The following RAB34 variants were observed in gnomAD, a reference collection of about 807,000 sequenced individuals.
RAB34 encodes the protein RAB34, member RAS oncogene family.
A neutral mutation model predicts 39.0 loss-of-function variants in RAB34; 33 were observed. That is an observed-to-expected ratio of 0.85 (90% CI 0.64 to 1.13). RAB34 has a LOEUF of 1.13. Among genes scored for constraint, RAB34 ranks in the 50% most tolerant of loss-of-function variants. The probability of loss-of-function intolerance (pLI) is 0.00; values close to 1 mark genes in which losing one functional copy is unlikely to be tolerated. For missense variants in RAB34, 289 were observed against 326.1 expected (o/e 0.89, Z 0.88); for synonymous variants, 135 against 125.1 (o/e 1.08, Z -0.53).
In RAB34 at chr17:28,715,440, C is replaced by T; in HGVS notation, c.431+16G>A. 1 of 1,613,704 alleles carries T rather than the reference C, an allele frequency of 6.2e-7. No homozygotes were observed. Among genetic ancestry groups the T allele is most frequent in the Non-Finnish European group, 8.5e-7 (1 of 1,179,852 alleles). On this transcript the variant is annotated intron_variant, in intron 6 of 9. Transcript: ENST00000395245. Reference sequence around the variant, plus strand: ...CTTCCCGGAGCCTCCCATTATATTGCAGGATGCTCACTTACTTGGTATGTT... The same window carrying T: ...CTTCCCGGAGCCTCCCATTATATTGTAGGATGCTCACTTACTTGGTATGTT...
upstream of RAB34, chr17:28,718,299 G>T: frequency 6.6e-7 from 1 of 1,521,244 alleles, no homozygotes; most frequent in Non-Finnish European, 8.8e-7. Context: ...TTCTGCCCTG[G>T]GAGGTCGGGG....
chr17:28,716,839 C>T, intron 2 of RAB34, 64 bp downstream of exon 2: 4 of 1,551,242 alleles, frequency 2.6e-6, no homozygotes, highest in Non-Finnish European at 3.5e-6. Context: ...TGGTTGTTTA[C>T]CCTCGCTATG....
Position 28,715,902 on chromosome 17 carries a change from C to G in RAB34, c.213-1G>C, listed in dbSNP as rs2033336457. The stretch of plus-strand genomic sequence containing the variant: ...CTTATCAAAGGTGTCTTTGCAGAAC[C>G]TGAGAGGGTACCAGATGCTGTGATC... On this transcript the variant is annotated splice_acceptor_variant, in intron 3 of 9. Coordinates refer to ENST00000395245, the MANE Select transcript of RAB34 (RefSeq NM_031934.6). LOFTEE classifies it high-confidence loss of function. 6.2e-7 allele frequency: 1 copy of G among 1,613,780 alleles called. No homozygotes were observed. Among genetic ancestry groups the G allele is most frequent in the Non-Finnish European group, 8.5e-7 (1 of 1,179,750 alleles).
upstream of RAB34, chr17:28,718,116 C>G (rs1334710134): frequency 8.7e-6 from 14 of 1,609,102 alleles, no homozygotes; most frequent in Non-Finnish European, 1.2e-5. Context: ...TCATGGGGAC[C>G]CTTACCCAGC....
At position 28,715,248 on chromosome 17, in the gene RAB34, TCTC is replaced by T. The variant is rs1187179727; in HGVS notation, c.457_459del (p.Glu153del). 21 of 1,613,600 alleles carry T rather than the reference TCTC, an allele frequency of 1.3e-5. No homozygotes were observed. Among genetic ancestry groups the T allele is most frequent in the Non-Finnish European group, 1.8e-5 (21 of 1,179,984 alleles). On this transcript the variant is annotated inframe_deletion, in exon 7 of 10. Coordinates refer to ENST00000395245, the MANE Select transcript of RAB34 (RefSeq NM_031934.6). ...AAGAGAAGCACACTGGAAGGGTCATTCTCCTTCAGGGCATCGGCCAGCCACTGC... is the reference window on the plus strand; with the variant it reads ...AAGAGAAGCACACTGGAAGGGTCATTCTTCAGGGCATCGGCCAGCCACTGC...
Position 28,717,173 on chromosome 17 carries a change from C to T in RAB34, c.54+40G>A, listed in dbSNP as rs80100419. 5.2e-4 allele frequency: 813 copies of T among 1,571,402 alleles called. 7 individuals are homozygous for T. In the African/African-American group the frequency reaches 8.1e-3, roughly 16 times the overall value. ...TGCCGCCTCCTCCTCGCCCACACCC[C>T]GGGCTGTAGACTGAAGCCCGACGTG... On this transcript the variant is annotated intron_variant, in intron 1 of 9. Transcript: ENST00000395245.
chr17:28,715,235 C>A lies in RAB34; in HGVS notation c.473G>T (p.Ser158Ile). The A allele has an allele frequency of 1.2e-6, 2 of 1,613,970 alleles. No individual in the cohort carries two copies. The highest frequency in any genetic ancestry group is 1.7e-6 in the Non-Finnish European group (2 of 1,180,018). The change falls in exon 7 of 10, where the codon AGT becomes ATT. Residue 158 changes from serine (S) to isoleucine (I), a missense_variant. Physicochemically the swap from Ser to Ile is moderately radical, Grantham distance 142. Coordinates refer to ENST00000395245, the MANE Select transcript of RAB34 (RefSeq NM_031934.6). The stretch of plus-strand genomic sequence containing the variant: ...GGAACCTACAAGGAAGAGAAGCACA[C>A]TGGAAGGGTCATTCTCCTTCAGGGC... Reference protein sequence around the residue: ...ADALKENDPSSVLLFLVGSKK... With the variant: ...ADALKENDPSIVLLFLVGSKK...
chr17:28,716,129 G>A (rs1010641180), intron 2 of RAB34, 71 bp from the exon 3 acceptor site: 41 of 1,604,766 alleles, frequency 2.6e-5, no homozygotes, highest in African/African-American at 4.0e-5. Flanking sequence ...CAATGCTCCC[G>A]ACTAGGTCCA....
In RAB34 at chr17:28,715,908, G is replaced by A. The variant is rs2033337322; in HGVS notation, c.213-7C>T. The A allele has an allele frequency of 6.2e-7, 1 of 1,613,204 alleles. No individual in the cohort carries two copies. The highest frequency in any genetic ancestry group is 1.7e-5 in the Admixed American group (1 of 60,010). ...AAAGGTGTCTTTGCAGAACCTGAGA[G>A]GGTACCAGATGCTGTGATCTGGAGC... On this transcript the variant is annotated splice_region_variant and splice_polypyrimidine_tract_variant and intron_variant, in intron 3 of 9. Coordinates refer to ENST00000395245, the MANE Select transcript of RAB34 (RefSeq NM_031934.6).
Position 28,717,684 on chromosome 17 carries a change from C to A in RAB34, c.-418G>T. 7.3e-7 allele frequency: 1 copy of A among 1,362,156 alleles called. No individual in the cohort carries two copies. Among genetic ancestry groups the A allele is most frequent in the Non-Finnish European group, 9.4e-7 (1 of 1,062,908 alleles). The allele number at this position is 1,362,156 out of a possible 1,614,324, so 84.4% of individuals were successfully genotyped here. A position where few individuals can be genotyped will look rare whatever the true frequency, so the allele number is the denominator to read the frequency against. On this transcript the variant is annotated 5_prime_UTR_variant, in exon 1 of 10. Transcript: ENST00000395245. ...CGGGGCCGCGGAGACCCGACGTCAT[C>A]TCGGGGCTGAGGCTGCCCTACCATT...
At chr17:28,718,030 C>A, upstream of RAB34, 1 of 1,371,316 alleles carries the variant, frequency 7.3e-7, no homozygotes, top group East Asian at 2.9e-5. Flanking sequence ...AGGACCGCCC[C>A]GACCCAGGCT....
At position 28,716,038 on chromosome 17, in the gene RAB34, A is replaced by G. The variant is rs756581417; in HGVS notation, c.167T>C (p.Ile56Thr). 8 of 1,613,780 alleles carry G rather than the reference A, an allele frequency of 5.0e-6. No individual in the cohort carries two copies. Among genetic ancestry groups the G allele is most frequent in the Admixed American group, 3.3e-5 (2 of 59,980 alleles). The change falls in exon 3 of 10, where the codon ATT becomes ACT. Residue 56 changes from isoleucine to threonine, a missense_variant. Coordinates refer to ENST00000395245, the MANE Select transcript of RAB34 (RefSeq NM_031934.6). Reference protein sequence around the residue: ...GTVGFKISKVIVVGDLSVGKT... With the variant: ...GTVGFKISKVTVVGDLSVGKT... ...CCCCACCGACAGGTCCCCCACCACAATGACCTTGGAGATCTTAAATCTGCT... is the reference window on the plus strand; with the variant it reads ...CCCCACCGACAGGTCCCCCACCACAGTGACCTTGGAGATCTTAAATCTGCT...
chr17:28,717,200 C>T lies in RAB34; in HGVS notation c.54+13G>A, dbSNP rs754332201. 1.9e-6 allele frequency: 3 copies of T among 1,594,860 alleles called. No individual in the cohort carries two copies. The highest frequency in any genetic ancestry group is 1.7e-6 in the Non-Finnish European group (2 of 1,174,446). ...GGCTGTAGACTGAAGCCCGACGTGG[C>T]CCCGGCGCCTACCTGGGGCAGCTCC... is the stretch of plus-strand genomic sequence containing the variant. On this transcript the variant is annotated intron_variant, in intron 1 of 9. Coordinates refer to ENST00000395245, the MANE Select transcript of RAB34 (RefSeq NM_031934.6).
chr17:28,715,416 T>C, intron 6 of RAB34, 40 bp downstream of exon 6: 1 of 1,612,564 alleles, frequency 6.2e-7, no homozygotes, highest in East Asian at 2.2e-5. Context: ...GAACCCTCTC[T>C]TCCCGGAGCC....
chr17:28,717,880 C>G, upstream of RAB34: 13 of 1,360,356 alleles, frequency 9.6e-6, no homozygotes, highest in Admixed American at 4.1e-4. Flanking sequence ...ACACGATCCC[C>G]GGAAATTCCT....
Position 28,714,496 on chromosome 17 carries a change from G to T in RAB34, c.*147C>A, listed in dbSNP as rs2032993572. On this transcript the variant is annotated 3_prime_UTR_variant, in exon 10 of 10. Coordinates refer to ENST00000395245, the MANE Select transcript of RAB34 (RefSeq NM_031934.6). ...GCAGGAAGTGACTAGCATGATCCCA[G>T]CTACCCCTCTGTGGGAATACTGCCA... The T allele has an allele frequency of 1.3e-6, 2 of 1,564,782 alleles. No homozygotes were observed. The highest frequency in any genetic ancestry group is 2.2e-5 in the South Asian group (2 of 89,828).
At chr17:28,714,957 C>T in intron 8 of RAB34, 57 bp from the exon 9 acceptor site, 7 of 1,598,804 alleles carry the variant, frequency 4.4e-6, no homozygotes, top group Middle Eastern at 1.7e-4. Context: ...GGACACAGGG[C>T]ACAGCTGGAG....
Position 28,717,690 on chromosome 17 carries a change from G to A in RAB34, c.-424C>T, listed in dbSNP as rs1047132681. The A allele has an allele frequency of 8.1e-6, 11 of 1,362,608 alleles. No homozygotes were observed. Among genetic ancestry groups the A allele is most frequent in the Non-Finnish European group, 1.0e-5 (11 of 1,063,440 alleles). 84.4% of individuals were successfully genotyped at this position (1,362,608 alleles called of 1,614,324 possible). A position where few individuals can be genotyped will look rare whatever the true frequency, so the allele number is the denominator to read the frequency against. On this transcript the variant is annotated 5_prime_UTR_variant, in exon 1 of 10. Coordinates refer to ENST00000395245, the MANE Select transcript of RAB34 (RefSeq NM_031934.6). ...CGCGGAGACCCGACGTCATCTCGGG[G>A]CTGAGGCTGCCCTACCATTACAGAG...
At chr17:28,716,215 GGGA>G (rs1277060023) in intron 2 of RAB34, 157 bp from the exon 3 acceptor site, 7 of 916,854 alleles carry the variant, frequency 7.6e-6, no homozygotes, top group African/African-American at 6.7e-5. Flanking sequence ...AGGTGTGCTG[GGGA>G]GGAGGAGTGT....
Sources: gnomAD v4.1 joint callset for allele counts on GRCh38, gnomAD v4.1.1 for gene constraint, MANE v1.5 for transcripts, NCBI Gene and HGNC (gene_info 2026-07-23, HGNC 2026-07-21) for gene names.